IRAK1BP1: variants seen among roughly 807,000 people sequenced by gnomAD.
The protein encoded by IRAK1BP1 is interleukin-1 receptor-associated kinase 1-binding protein 1.
In IRAK1BP1, 24 loss-of-function variants were observed where a neutral mutation model predicts 28.0. The ratio of observed to expected loss-of-function variants is 0.86; its 90% CI spans 0.62 to 1.20. The LOEUF is 1.20. IRAK1BP1 is among the 50% of genes most tolerant of loss of function. The pLI is 0.00. For missense variants in IRAK1BP1, 336 were observed against 316.7 expected (o/e 1.06, Z -0.46); for synonymous variants, 131 against 116.3 (o/e 1.13, Z -0.81).
chr6:78,948,491 A>T (rs1310051112), downstream of IRAK1BP1, among the ~76,000 whole-genome samples: 2 of 152,048 alleles, frequency 1.3e-5, no homozygotes, highest in Non-Finnish European at 2.9e-5. Context: ...AGGGACAAAG[A>T]GTATTGTACC....
At chr6:78,908,003 G>T (rs1772303333), downstream of IRAK1BP1, among the ~76,000 whole-genome samples, 1 of 148,762 alleles carries the variant, frequency 6.7e-6, no homozygotes, top group Non-Finnish European at 1.5e-5. Context: ...CAGGCATGAG[G>T]CACTGCACCC....
the IRAK1BP1 span, among the ~76,000 whole-genome samples, chr6:78,971,884 C>T: frequency 0.021 from 3,237 of 151,640 alleles, 119 homozygotes; most frequent in African/African-American, 0.073. Flanking sequence ...TCCTACCCCA[C>T]GGAGTCTCGC....
intron 1 of IRAK1BP1, among the ~76,000 whole-genome samples, chr6:78,874,059 A>G (rs979226848): frequency 1.3e-5 from 2 of 152,224 alleles, no homozygotes; most frequent in African/African-American, 4.8e-5. Flanking sequence ...ATCTTCCTGC[A>G]TGATACTAAA....
the IRAK1BP1 span, chr6:78,955,808 G>A: frequency 2.1e-6 from 1 of 474,516 alleles, no homozygotes; most frequent in Non-Finnish European, 3.8e-6. Context: ...CTTCTCCATT[G>A]GCTTACTCCA....
chr6:78,936,230 T>A (rs1773267993), intron 4 of IRAK1BP1: 1 of 151,996 alleles, frequency 6.6e-6, no homozygotes, highest in South Asian at 2.1e-4. Flanking sequence ...AAAATAAGCA[T>A]AATCTTAATT....
intron 4 of IRAK1BP1, among the ~76,000 whole-genome samples, chr6:78,914,218 G>C (rs1462023755): frequency 2.0e-5 from 3 of 152,134 alleles, no homozygotes; most frequent in African/African-American, 7.2e-5. Flanking sequence ...GAAAAAGAGT[G>C]TTTGTTAACT....
intron 4 of IRAK1BP1, among the ~76,000 whole-genome samples, chr6:78,932,421 CTTT>C (rs386407659): frequency 4.9e-5 from 6 of 123,690 alleles, no homozygotes; most frequent in East Asian, 4.7e-4. Flanking sequence ...CTTTCTTTTT[CTTT>C]TTTTTTTTTT....
At chr6:78,945,503 A>G (rs751236142) in exon 5 of IRAK1BP1, 52 of 1,540,888 alleles carry the variant, frequency 3.4e-5, no homozygotes, top group Non-Finnish European at 3.4e-5. Context: ...TAGTACTAAA[A>G]CATACAAACA....
At chr6:78,891,256 T>C (rs1052461265) in intron 2 of IRAK1BP1, among the ~76,000 whole-genome samples, 1 of 152,164 alleles carries the variant, frequency 6.6e-6, no homozygotes, top group Non-Finnish European at 1.5e-5. Flanking sequence ...GTACACTATA[T>C]TGTTCAGCTG....
chr6:78,963,126 A>G, the IRAK1BP1 span: 20 of 1,606,756 alleles, frequency 1.2e-5, no homozygotes, highest in South Asian at 1.7e-4. Context: ...TATTCCTGCC[A>G]CAATTCTTTC....
downstream of IRAK1BP1, among the ~76,000 whole-genome samples, chr6:78,951,353 T>C (rs1043767442): frequency 6.6e-6 from 1 of 152,184 alleles, no homozygotes; most frequent in Non-Finnish European, 1.5e-5. Flanking sequence ...TTGTAGAATA[T>C]TAAGCCCATT....
chr6:78,868,007 A>G (rs1358917937), intron 1 of IRAK1BP1, 116 bp downstream of exon 1: 1 of 1,155,186 alleles, frequency 8.7e-7, no homozygotes, highest in African/African-American at 1.6e-5. Flanking sequence ...TGGAGCGTTT[A>G]GGACGCGTTT....
the IRAK1BP1 span, among the ~76,000 whole-genome samples, chr6:78,974,234 G>A: frequency 3.2e-4 from 49 of 152,088 alleles, no homozygotes; most frequent in Middle Eastern, 6.8e-3. Context: ...ACTCAAAACC[G>A]CTCAACTACA....
intron 4 of IRAK1BP1, among the ~76,000 whole-genome samples, chr6:78,920,947 A>C (rs1772706570): frequency 6.6e-6 from 1 of 152,134 alleles, no homozygotes; most frequent in South Asian, 2.1e-4. Context: ...CAAGCAAGTG[A>C]AGCCAAGATA....
At chr6:78,921,914 C>T (rs1258287222) in intron 4 of IRAK1BP1, among the ~76,000 whole-genome samples, 1 of 152,158 alleles carries the variant, frequency 6.6e-6, no homozygotes, top group Non-Finnish European at 1.5e-5. Context: ...CATATCAAAA[C>T]CCCATCTGTA....
intron 4 of IRAK1BP1, among the ~76,000 whole-genome samples, chr6:78,931,575 C>G (rs1384329328): frequency 2.0e-5 from 3 of 152,142 alleles, no homozygotes; most frequent in Non-Finnish European, 4.4e-5. Flanking sequence ...AAGCGAGTCA[C>G]ACAAACTTTT....
At chr6:78,943,852 G>A (rs1773643380) in intron 4 of IRAK1BP1, among the ~76,000 whole-genome samples, 1 of 151,860 alleles carries the variant, frequency 6.6e-6, no homozygotes, top group Non-Finnish European at 1.5e-5. Flanking sequence ...CAGGTGTGAT[G>A]GCACACACCT....
the IRAK1BP1 span, chr6:78,956,582 G>A: frequency 1.3e-5 from 2 of 152,138 alleles, no homozygotes; most frequent in South Asian, 4.1e-4. Context: ...AGCCACCCAC[G>A]ATGTGGCCCC....
At chr6:78,890,200 C>T (rs534886443) in intron 2 of IRAK1BP1, among the ~76,000 whole-genome samples, 1 of 144,748 alleles carries the variant, frequency 6.9e-6, no homozygotes, top group South Asian at 2.2e-4. Context: ...TGTTCTCAAT[C>T]ATAAGTGGGA....
Sources: allele counts gnomAD v4.1 joint callset (sites outside exome capture counted in the v4.1 genomes callset), GRCh38; gene constraint gnomAD v4.1.1; transcripts MANE v1.5; gene names NCBI Gene and HGNC (gene_info 2026-07-23, HGNC 2026-07-21).